Variants in CNTNAP4 observed in about 807,000 individuals in gnomAD.
CNTNAP4 encodes the protein contactin associated protein family member 4.
In CNTNAP4, 98 loss-of-function variants were observed where a neutral mutation model predicts 148.4. The observed-to-expected ratio is 0.66, with a 90% confidence interval of 0.56 to 0.78. The LOEUF (loss-of-function observed/expected upper bound fraction) is 0.78, where lower values mean the gene tolerates loss of function less well. Ranked by LOEUF, CNTNAP4 falls within the 30% of genes least tolerant of loss-of-function variation. The pLI, the probability that CNTNAP4 is intolerant of heterozygous loss-of-function variation, is 0.00. For synonymous variants in CNTNAP4, 730 were observed against 565.1 expected (o/e 1.29, Z -4.14); for missense variants, 1,935 against 1,565.6 (o/e 1.24, Z -3.98).
chr16:76,417,389 G>T (rs982118306), intron 3 of CNTNAP4, among the ~76,000 whole-genome samples: 1 of 151,216 alleles, frequency 6.6e-6, no homozygotes, highest in African/African-American at 2.4e-5. Flanking sequence ...GTCAGTGGCT[G>T]CCTTAAACTA....
chr16:76,332,148 C>A (rs915261123), intron 2 of CNTNAP4, among the ~76,000 whole-genome samples: 1 of 152,104 alleles, frequency 6.6e-6, no homozygotes, highest in Non-Finnish European at 1.5e-5. Flanking sequence ...TGACTTACAA[C>A]GGTTTGATTG....
intron 17 of CNTNAP4, among the ~76,000 whole-genome samples, chr16:76,531,677 T>C (rs2144208654): frequency 6.6e-6 from 1 of 152,326 alleles, no homozygotes; most frequent in Middle Eastern, 3.4e-3. Flanking sequence ...GGCACTGGAA[T>C]CTTTAATTAA....
intron 23 of CNTNAP4, among the ~76,000 whole-genome samples, chr16:76,555,866 G>A (rs1040557385): frequency 1.3e-5 from 2 of 152,194 alleles, no homozygotes; most frequent in Admixed American, 6.5e-5. Context: ...TTTGGTCATT[G>A]CAGAGACTAA....
At chr16:76,438,764 C>G (rs73617566) in intron 4 of CNTNAP4, among the ~76,000 whole-genome samples, 2 of 152,012 alleles carry the variant, frequency 1.3e-5, no homozygotes, top group Non-Finnish European at 2.9e-5. Flanking sequence ...CTTTCCTGGC[C>G]GCTGCTGACA....
intron 8 of CNTNAP4, among the ~76,000 whole-genome samples, chr16:76,453,001 G>A (rs1568233370): frequency 6.6e-6 from 1 of 152,158 alleles, no homozygotes; most frequent in Non-Finnish European, 1.5e-5. Flanking sequence ...GGGAACTGAA[G>A]TTTCCTTTCA....
At chr16:76,541,524 G>A (rs2084454827) in intron 21 of CNTNAP4, among the ~76,000 whole-genome samples, 1 of 152,120 alleles carries the variant, frequency 6.6e-6, no homozygotes, top group Non-Finnish European at 1.5e-5. Flanking sequence ...GGCTCTTGTA[G>A]CCTAATTTTT....
chr16:76,404,060 A>G (rs1352982577), intron 3 of CNTNAP4, among the ~76,000 whole-genome samples: 1 of 152,140 alleles, frequency 6.6e-6, no homozygotes, highest in Admixed American at 6.6e-5. Flanking sequence ...GAGGGTGGGA[A>G]GATGGAGACG....
chr16:76,374,757 T>G (rs112053328), intron 3 of CNTNAP4, among the ~76,000 whole-genome samples: 5,969 of 146,456 alleles, frequency 0.041, 385 homozygotes, highest in African/African-American at 0.14. Context: ...ATTATTATTA[T>G]TATTATTATT....
chr16:76,544,075 C>T (rs1199228394), intron 21 of CNTNAP4, among the ~76,000 whole-genome samples: 1 of 152,134 alleles, frequency 6.6e-6, no homozygotes, highest in Non-Finnish European at 1.5e-5. Context: ...TTTGTATCGA[C>T]ATGAGTGTAA....
chr16:76,451,185 C>G (rs542197341), intron 7 of CNTNAP4, among the ~76,000 whole-genome samples: 1 of 152,280 alleles, frequency 6.6e-6, no homozygotes, highest in Non-Finnish European at 1.5e-5. Flanking sequence ...GACCACCCCT[C>G]ATCGCACATG....
chr16:76,302,398 T>G (rs1309675605), intron 1 of CNTNAP4, among the ~76,000 whole-genome samples: 3 of 152,106 alleles, frequency 2.0e-5, no homozygotes, highest in African/African-American at 7.2e-5. Flanking sequence ...GAACCTCCGT[T>G]TATGGGCTTG....
At chr16:76,378,105 T>C (rs2015611560) in intron 3 of CNTNAP4, among the ~76,000 whole-genome samples, 1 of 152,204 alleles carries the variant, frequency 6.6e-6, no homozygotes, top group African/African-American at 2.4e-5. Context: ...TAAGAGAGTT[T>C]CTTTTGTTTA....
rs1247395536 is a variant in CNTNAP4, at chr16:76,509,755, A to T, written c.2365+11061A>T. Among the ~76,000 whole-genome samples the T allele has an allele frequency of 2.1e-5, 2 of 96,878 alleles. 1 individual carries two copies. Among genetic ancestry groups the T allele is most frequent in the Non-Finnish European group, 5.8e-5 (2 of 34,208 alleles). The allele number at this position is 96,878 out of a possible 152,430, so 63.6% of individuals were successfully genotyped here. ...ATTATTTGTATATTGTTACTTTTAAAGGCTAACCACTAGTTCTATTCTCCA... is the reference window on the plus strand; with the variant it reads ...ATTATTTGTATATTGTTACTTTTAATGGCTAACCACTAGTTCTATTCTCCA... On this transcript the variant is annotated intron_variant, in intron 15 of 23. Transcript: ENST00000611870.
At chr16:76,556,385 CGTGTG>C (rs2085199764) in intron 23 of CNTNAP4, among the ~76,000 whole-genome samples, 1 of 152,112 alleles carries the variant, frequency 6.6e-6, no homozygotes, top group African/African-American at 2.4e-5. Flanking sequence ...TGGTATAACA[CGTGTG>C]ATCAAAGTTT....
At chr16:76,317,307 A>C (rs28453284) in intron 2 of CNTNAP4, among the ~76,000 whole-genome samples, 5,595 of 60,198 alleles carry the variant, frequency 0.093, 280 homozygotes, top group African/African-American at 0.19. Flanking sequence ...AAAACCCCCC[A>C]AAAAAAAAAA....
intron 10 of CNTNAP4, among the ~76,000 whole-genome samples, chr16:76,469,232 A>G (rs6564344): frequency 0.62 from 94,754 of 152,126 alleles, 30,237 homozygotes; most frequent in African/African-American, 0.78. Context: ...ACAATTCTTT[A>G]TATAATGAAA....
chr16:76,425,802 T>G (rs936528242), intron 3 of CNTNAP4, among the ~76,000 whole-genome samples: 9 of 152,120 alleles, frequency 5.9e-5, no homozygotes, highest in African/African-American at 2.2e-4. Flanking sequence ...TAGAGCATAA[T>G]GGAAGTGGTT....
chr16:76,478,758 A>C (rs1471787771), intron 11 of CNTNAP4, among the ~76,000 whole-genome samples: 1 of 152,134 alleles, frequency 6.6e-6, no homozygotes, highest in Non-Finnish European at 1.5e-5. Context: ...AACCACTTGA[A>C]GGCATAGTTC....
rs573574819 is a variant in CNTNAP4 at position 76,425,086 on chromosome 16, C to A, written c.391-2366C>A. On this transcript the variant is annotated intron_variant, in intron 3 of 23. Coordinates refer to ENST00000611870, the MANE Select transcript of CNTNAP4 (RefSeq NM_033401.5). ...TTTTGACCAGTGGAACAGAATGGAACCTTCTCAGGGGTCTGGTTATCAGAG... is the reference window on the plus strand; with the variant it reads ...TTTTGACCAGTGGAACAGAATGGAAACTTCTCAGGGGTCTGGTTATCAGAG... 2.5e-4 allele frequency among the ~76,000 whole-genome samples: 38 copies of A among 152,204 alleles called. No individual in the cohort carries two copies. In the South Asian group the frequency reaches 6.0e-3, roughly 24 times the overall value.
Sources: gnomAD v4.1 joint callset for allele counts (sites outside exome capture counted in the v4.1 genomes callset) on GRCh38, gnomAD v4.1.1 for gene constraint, MANE v1.5 for transcripts, NCBI Gene and HGNC (gene_info 2026-07-23, HGNC 2026-07-21) for gene names.